NBEAL1: variants seen among roughly 807,000 people sequenced by gnomAD.
NBEAL1 encodes neurobeachin like 1.
NBEAL1 carries 273 observed loss-of-function variants against 351.3 expected under a neutral mutation model. The observed-to-expected ratio is 0.78, with a 90% CI of 0.70 to 0.86. The LOEUF (loss-of-function observed/expected upper bound fraction) is 0.86, where lower values mean the gene tolerates loss of function less well. Among genes scored for constraint, NBEAL1 ranks in the 40% least tolerant of loss-of-function variants. The pLI, the probability that NBEAL1 is intolerant of heterozygous loss-of-function variation, is 0.00. For missense variants in NBEAL1, 2,961 were observed against 3,201.3 expected, an observed-to-expected ratio of 0.92 and a Z score of 1.81; for synonymous variants, 1,050 against 1,086.4, an observed-to-expected ratio of 0.97 and a Z score of 0.66.
intron 10 of NBEAL1, among the ~76,000 whole-genome samples, chr2:203,090,636 C>T (rs1312126257): frequency 6.6e-6 from 1 of 152,124 alleles, no homozygotes; most frequent in Non-Finnish European, 1.5e-5. Context: ...TGCCTGTAAT[C>T]CCAGCACTTT....
Position 203,040,719 on chromosome 2 carries a change from G to A in NBEAL1, c.52-1046G>A, listed in dbSNP as rs144233347. On this transcript the variant is annotated intron_variant, in intron 2 of 55. Coordinates refer to ENST00000683969, the MANE Select transcript of NBEAL1 (RefSeq NM_001378026.1). Reference sequence around the variant, plus strand: ...GGAAGTATTTCCAGGAGATCTCATAGTTCTTGCTCCCTTTCCACCTTTTGG... The same window carrying A: ...GGAAGTATTTCCAGGAGATCTCATAATTCTTGCTCCCTTTCCACCTTTTGG... The A allele has an allele frequency of 6.2e-4, 378 of 604,878 alleles. 1 individual carries two copies. The African/African-American group carries it at 6.3e-3, about 10-fold the overall frequency. The allele number at this position is 604,878 out of a possible 1,614,324, so 37.5% of individuals were successfully genotyped here. A position where few individuals can be genotyped will look rare whatever the true frequency, so the allele number is the denominator to read the frequency against.
At chr2:203,146,450 T>C (rs968942143) in intron 33 of NBEAL1, among the ~76,000 whole-genome samples, 28 of 152,176 alleles carry the variant, frequency 1.8e-4, no homozygotes, top group African/African-American at 6.7e-4. Flanking sequence ...TGCAGACCAG[T>C]ATCTGTCAGG....
At chr2:203,040,379 T>C in intron 2 of NBEAL1, 1 of 715,436 alleles carries the variant, frequency 1.4e-6, no homozygotes, top group Non-Finnish European at 2.5e-6. Flanking sequence ...GCCTTTGTTG[T>C]ACACATCAAA....
chr2:203,114,957 C>T lies in NBEAL1; in HGVS notation c.2507-1028C>T, dbSNP rs769294721. Among the ~76,000 whole-genome samples the T allele has an allele frequency of 5.3e-5, 8 of 151,858 alleles. No homozygotes were observed. In the South Asian group the frequency reaches 8.3e-4, roughly 16 times the overall value. On this transcript the variant is annotated intron_variant, in intron 17 of 55. Transcript: ENST00000683969. ...AGTAGAGACAAGGTTTCGCCATGTT[C>T]GCTAGGCTGGTCTTGAACTCCTGGC...
At chr2:203,183,490 G>T (rs965621025) in intron 44 of NBEAL1, 102 bp downstream of exon 44, 7 of 665,726 alleles carry the variant, frequency 1.1e-5, no homozygotes, top group Admixed American at 3.0e-5. Context: ...AGATTAATTT[G>T]TAATCTATTA....
chr2:203,083,599 C>T, intron 9 of NBEAL1, 74 bp downstream of exon 9: 3 of 1,180,692 alleles, frequency 2.5e-6, no homozygotes, highest in Non-Finnish European at 3.5e-6. Context: ...TTTTGAAATA[C>T]AAGGCCATTG....
At chr2:203,027,957 C>G (rs1310899333) in intron 2 of NBEAL1, among the ~76,000 whole-genome samples, 2 of 151,986 alleles carry the variant, frequency 1.3e-5, no homozygotes, top group East Asian at 3.9e-4. Flanking sequence ...GATCTTGGCT[C>G]ACTGCAGCCT....
In NBEAL1 at chr2:203,171,962, A is replaced by G. The variant is rs1655803931; in HGVS notation, c.6137A>G (p.Tyr2046Cys). 20 of 1,606,230 alleles carry G rather than the reference A, an allele frequency of 1.2e-5. No individual in the cohort carries two copies. The highest frequency in any genetic ancestry group is 1.7e-4 in the Middle Eastern group (1 of 6,028). The change falls in exon 40 of 56, where the codon TAC becomes TGC. Residue 2046 changes from tyrosine (Y) to cysteine (C), a missense_variant. Transcript: ENST00000683969. ...AACAGAGAGATATCAAATTTTGACT[A>G]CCTCATTCAAATAAATACAATGGCA... The part of the protein sequence containing the change: ...WVNREISNFD[Y>C]LIQINTMAGR...
chr2:203,211,636 C>A (rs111839637), intron 54 of NBEAL1, among the ~76,000 whole-genome samples: 7 of 152,024 alleles, frequency 4.6e-5, no homozygotes, highest in African/African-American at 1.7e-4. Context: ...ACAGCAAGAC[C>A]CTGTCTCAAA....
At chr2:203,078,213 T>C (rs756441724) in intron 8 of NBEAL1, among the ~76,000 whole-genome samples, 38 of 152,248 alleles carry the variant, frequency 2.5e-4, no homozygotes, top group Non-Finnish European at 4.6e-4. Flanking sequence ...TGTGTACTTA[T>C]AATACTAAAT....
chr2:203,178,153 T>C (rs1398815574), intron 42 of NBEAL1, among the ~76,000 whole-genome samples: 1 of 151,670 alleles, frequency 6.6e-6, no homozygotes, highest in African/African-American at 2.4e-5. Flanking sequence ...ACCAGCCTTT[T>C]TTTTTTCTTT....
At chr2:203,026,472 T>C (rs1203162857) in intron 2 of NBEAL1, among the ~76,000 whole-genome samples, 1 of 152,178 alleles carries the variant, frequency 6.6e-6, no homozygotes, top group Non-Finnish European at 1.5e-5. Context: ...TATTACTTGC[T>C]TTAATTATTG....
chr2:203,071,078 A>AT (rs1327801368), intron 7 of NBEAL1, among the ~76,000 whole-genome samples: 4 of 152,070 alleles, frequency 2.6e-5, no homozygotes, highest in African/African-American at 7.2e-5. Context: ...CATTTGATTG[A>AT]TTTTTTGTTT....
intron 2 of NBEAL1, among the ~76,000 whole-genome samples, chr2:203,033,968 A>G (rs1177184176): frequency 1.3e-5 from 2 of 152,128 alleles, no homozygotes; most frequent in Non-Finnish European, 2.9e-5. Context: ...CACCCTTGAC[A>G]GAATCAATAA....
At chr2:203,110,015 C>G (rs926334778) in intron 14 of NBEAL1, 135 bp from the exon 15 acceptor site, 3 of 839,586 alleles carry the variant, frequency 3.6e-6, no homozygotes, top group Non-Finnish European at 5.2e-6. Flanking sequence ...GGTTGGACTT[C>G]TGTGTGGCAA....
chr2:203,173,787 G>A (rs1337187506), intron 41 of NBEAL1, among the ~76,000 whole-genome samples: 3 of 151,910 alleles, frequency 2.0e-5, no homozygotes, highest in African/African-American at 7.2e-5. Flanking sequence ...TTACATTTTA[G>A]TGGTACATTT....
intron 2 of NBEAL1, among the ~76,000 whole-genome samples, chr2:203,036,357 G>A (rs965603955): frequency 3.4e-5 from 5 of 148,668 alleles, no homozygotes; most frequent in South Asian, 4.2e-4. Flanking sequence ...TGATCCTGAC[G>A]AAGCTCCTCT....
chr2:203,177,104 T>C (rs544435951), intron 42 of NBEAL1, among the ~76,000 whole-genome samples: 109 of 149,158 alleles, frequency 7.3e-4, no homozygotes, highest in Middle Eastern at 3.4e-3. Context: ...TGAACCATGA[T>C]TGCACCACTG....
intron 51 of NBEAL1, among the ~76,000 whole-genome samples, chr2:203,205,109 A>G (rs1435479267): frequency 6.6e-6 from 1 of 152,148 alleles, no homozygotes; most frequent in East Asian, 1.9e-4. Flanking sequence ...ACCATTTAGT[A>G]TAGTGTTTGC....
Sources: gnomAD v4.1 joint callset for allele counts (sites outside exome capture counted in the v4.1 genomes callset) on GRCh38, gnomAD v4.1.1 for gene constraint, MANE v1.5 for transcripts, NCBI Gene and HGNC (gene_info 2026-07-23, HGNC 2026-07-21) for gene names.